C14orf39: variants seen among roughly 807,000 people sequenced by gnomAD.
C14orf39 encodes the protein protein SIX6OS1.
Under a neutral mutation model 85.6 loss-of-function variants are expected in C14orf39, and 66 were observed. The ratio of observed to expected loss-of-function variants is 0.77; its 90% CI spans 0.63 to 0.95. C14orf39 has a LOEUF of 0.95. Ranked by LOEUF, C14orf39 falls within the 40% of genes least tolerant of loss-of-function variation. C14orf39 has a pLI of 0.00. For synonymous variants in C14orf39, 242 were observed against 214.0 expected, an observed-to-expected ratio of 1.13 and a Z score of -1.14; for missense variants, 735 against 663.9, an observed-to-expected ratio of 1.11 and a Z score of -1.18.
At chr14:60,487,576 T>C (rs537566209), upstream of C14orf39, among the ~76,000 whole-genome samples, 84 of 152,256 alleles carry the variant, frequency 5.5e-4, no homozygotes, top group Non-Finnish European at 9.9e-4. Context: ...TTGTGAATAA[T>C]GTTGCAGTGA....
intron 5 of C14orf39, among the ~76,000 whole-genome samples, chr14:60,473,721 G>A (rs913955458): frequency 3.9e-5 from 6 of 152,022 alleles, no homozygotes; most frequent in Admixed American, 1.3e-4. Flanking sequence ...GTAGATATGC[G>A]GCATTATTTC....
At chr14:60,474,715 A>T (rs1045546671) in intron 5 of C14orf39, among the ~76,000 whole-genome samples, 1 of 151,810 alleles carries the variant, frequency 6.6e-6, no homozygotes, top group African/African-American at 2.4e-5. Flanking sequence ...ATTGATTTGC[A>T]TATGTTGAAC....
intron 4 of C14orf39, among the ~76,000 whole-genome samples, chr14:60,479,899 A>G (rs1486736584): frequency 2.6e-5 from 4 of 152,316 alleles, no homozygotes; most frequent in Non-Finnish European, 4.4e-5. Flanking sequence ...GTTGCTCCCA[A>G]TATTTCCTAT....
chr14:60,499,609 T>C (rs970818782), intron 1 of C14orf39, among the ~76,000 whole-genome samples: 1 of 152,246 alleles, frequency 6.6e-6, no homozygotes, highest in Admixed American at 6.5e-5. Context: ...AAATACAGAT[T>C]ATTTTTATAA....
At chr14:60,437,594 G>T (rs1890315465) in intron 17 of C14orf39, among the ~76,000 whole-genome samples, 1 of 151,952 alleles carries the variant, frequency 6.6e-6, no homozygotes, top group South Asian at 2.1e-4. Context: ...GAGAGAATAG[G>T]TATAAAGGCT....
chr14:60,461,591 T>C lies in C14orf39; in HGVS notation c.975A>G (p.Ile325Met). ...GGTTATCCACAGCAGAGTCATTAAA[T>C]ATCTGAAAGAAAGAAATTAAGCATC... Reference protein sequence around the residue: ...DFRQKENDTQIFNDSAVDNHS... With the variant: ...DFRQKENDTQMFNDSAVDNHS... Residue 325 changes from isoleucine (I) to methionine (M), a missense_variant and splice_region_variant, in exon 12 of 18, where the codon ATA becomes ATG. Transcript: ENST00000321731. 1 of 1,539,930 alleles carries C rather than the reference T, an allele frequency of 6.5e-7. No individual in the cohort carries two copies.
chr14:60,439,844 C>T (rs914065117), intron 17 of C14orf39, among the ~76,000 whole-genome samples: 3 of 152,088 alleles, frequency 2.0e-5, no homozygotes, highest in South Asian at 2.1e-4. Flanking sequence ...GAGGCCGAGG[C>T]GGGTGGATCA....
At chr14:60,479,912 T>C (rs974542521) in intron 4 of C14orf39, among the ~76,000 whole-genome samples, 7 of 152,242 alleles carry the variant, frequency 4.6e-5, no homozygotes, top group African/African-American at 1.7e-4. Flanking sequence ...TTTCCTATCA[T>C]TATAAAAAGG....
chr14:60,445,427 A>G (rs1357699173), intron 16 of C14orf39, among the ~76,000 whole-genome samples: 1 of 152,134 alleles, frequency 6.6e-6, no homozygotes, highest in East Asian at 1.9e-4. Flanking sequence ...AGTCTCTGAT[A>G]AAACAGACTT....
rs541107527 is a variant in C14orf39 at position 60,498,987 on chromosome 14, G to A, written c.-9+309C>T. On this transcript the variant is annotated intron_variant, in intron 2 of 5. Coordinates refer to the C14orf39 transcript ENST00000556799. Reference sequence around the variant, plus strand: ...AAAATATTACTGAAGGGCCGGGCACGGTGGCTCACACCTGCAGTCCTAGCA... The same window carrying A: ...AAAATATTACTGAAGGGCCGGGCACAGTGGCTCACACCTGCAGTCCTAGCA... 7.2e-5 allele frequency among the ~76,000 whole-genome samples: 11 copies of A among 152,260 alleles called. No individual in the cohort carries two copies. The South Asian group carries it at 1.5e-3, about 20-fold the overall frequency.
At chr14:60,477,556 C>T (rs1479024376) in intron 5 of C14orf39, among the ~76,000 whole-genome samples, 3 of 152,080 alleles carry the variant, frequency 2.0e-5, no homozygotes, top group Admixed American at 6.5e-5. Context: ...TAAATTCATA[C>T]AATTATTGGT....
At chr14:60,468,363 G>T (rs1891897179) in intron 9 of C14orf39, 82 bp downstream of exon 9, 1 of 716,030 alleles carries the variant, frequency 1.4e-6, no homozygotes, top group African/African-American at 1.9e-5. Context: ...AAATATTAGT[G>T]GTTTGGGATG....
At chr14:60,474,122 C>CA (rs1320146586) in intron 5 of C14orf39, among the ~76,000 whole-genome samples, 1 of 152,114 alleles carries the variant, frequency 6.6e-6, no homozygotes, top group Non-Finnish European at 1.5e-5. Context: ...TCCTTCATAT[C>CA]CCTTCTAAGT....
rs1428304897 is a variant in C14orf39, at chr14:60,436,477, C to CT, written c.*367dup. On this transcript the variant is annotated 3_prime_UTR_variant, in exon 18 of 18. Coordinates refer to ENST00000321731, the MANE Select transcript of C14orf39 (RefSeq NM_174978.3). ...TTCAGCACTAACTCTGGAGTTACTA[C>CT]TGCAGTTCTTGTTCTTATCAAAGTA... The CT allele has an allele frequency of 6.0e-6, 1 of 166,206 alleles. No homozygotes were observed. Among genetic ancestry groups the CT allele is most frequent in the Non-Finnish European group, 1.3e-5 (1 of 78,100 alleles). 10.3% of individuals were successfully genotyped at this position (166,206 alleles called of 1,614,324 possible). A position where few individuals can be genotyped will look rare whatever the true frequency, so the allele number is the denominator to read the frequency against.
At chr14:60,506,378 C>T (rs1451237726) in intron 1 of C14orf39, among the ~76,000 whole-genome samples, 1 of 152,148 alleles carries the variant, frequency 6.6e-6, no homozygotes, top group East Asian at 1.9e-4. Flanking sequence ...TTAAGAAAAG[C>T]CAGCCCGAAG....
Position 60,485,058 on chromosome 14 carries a change from GACAA to G in C14orf39, c.17_20del (p.Phe6SerfsTer8). ...ATTCTAGCAAAAGTCTGTCCAAACTGACAAACAGGCTGTCATTCATCTTGGATAC... is the reference window on the plus strand; with the variant it reads ...ATTCTAGCAAAAGTCTGTCCAAACTGACAGGCTGTCATTCATCTTGGATAC... On this transcript the variant is annotated frameshift_variant, in exon 2 of 18. Transcript: ENST00000321731. LOFTEE classifies it high-confidence loss of function. 1 of 1,608,450 alleles carries G rather than the reference GACAA, an allele frequency of 6.2e-7. No homozygotes were observed. Among genetic ancestry groups the G allele is most frequent in the Non-Finnish European group, 8.5e-7 (1 of 1,178,914 alleles).
Position 60,483,793 on chromosome 14 carries a change from T to C in C14orf39, c.131A>G (p.Asn44Ser), listed in dbSNP as rs1892754768. 3 of 1,526,774 alleles carry C rather than the reference T, an allele frequency of 2.0e-6. No individual in the cohort carries two copies. Among genetic ancestry groups the C allele is most frequent in the Non-Finnish European group, 2.7e-6 (3 of 1,107,402 alleles). The allele number at this position is 1,526,774 out of a possible 1,614,324, so 94.6% of individuals were successfully genotyped here. A position where few individuals can be genotyped will look rare whatever the true frequency, so the allele number is the denominator to read the frequency against. Residue 44 changes from asparagine (N) to serine (S), a missense_variant, in exon 4 of 18, where the codon AAC (asparagine) becomes AGC (serine). Coordinates refer to ENST00000321731, the MANE Select transcript of C14orf39 (RefSeq NM_174978.3). ...INKCCEDIKE[N>S]KVTICRIHET... ...GTGTATCCTACAAATAGTTACTTTG[T>C]TTTCCTTAATATCTTCACAGCATTC...
At chr14:60,475,822 G>C (rs1892345792) in intron 5 of C14orf39, among the ~76,000 whole-genome samples, 1 of 152,110 alleles carries the variant, frequency 6.6e-6, no homozygotes, top group South Asian at 2.1e-4. Context: ...CAAATACTTA[G>C]TTTCAAAAAA....
intron 1 of C14orf39, among the ~76,000 whole-genome samples, chr14:60,510,603 A>C (rs1023677141): frequency 8.5e-5 from 13 of 152,054 alleles, no homozygotes. Context: ...CCCAGGCCCA[A>C]ATGCTCCTTA....
Sources: gnomAD v4.1 joint callset for allele counts (sites outside exome capture counted in the v4.1 genomes callset) on GRCh38, gnomAD v4.1.1 for gene constraint, MANE v1.5 for transcripts, NCBI Gene and HGNC (gene_info 2026-07-23, HGNC 2026-07-21) for gene names.